The following PTAR1 variants were observed in gnomAD, a reference collection of about 807,000 sequenced individuals.
The protein encoded by PTAR1 is protein prenyltransferase alpha subunit repeat-containing protein 1.
Under a neutral mutation model 45.5 loss-of-function variants are expected in PTAR1, and 17 were observed. That is an observed-to-expected ratio of 0.37 (90% confidence interval 0.26 to 0.56). The LOEUF (loss-of-function observed/expected upper bound fraction) is 0.56. Ranked by LOEUF, PTAR1 falls within the 20% of genes least tolerant of loss-of-function variation. PTAR1 has a pLI of 0.77. For missense variants in PTAR1, 391 were observed against 476.3 expected (o/e 0.82, Z 1.67); for synonymous variants, 169 against 171.3 (o/e 0.99, Z 0.11).
chr9:69,719,813 T>G (rs554533294), intron 6 of PTAR1, among the ~76,000 whole-genome samples: 2 of 152,290 alleles, frequency 1.3e-5, no homozygotes, highest in South Asian at 4.1e-4. Context: ...TCAAACTTTT[T>G]CAAGATTATT....
In PTAR1 at chr9:69,731,754, G is replaced by A. The variant is rs987885715; in HGVS notation, c.642+385C>T. 1.4e-4 allele frequency among the ~76,000 whole-genome samples: 20 copies of A among 143,550 alleles called. 1 individual carries two copies. The highest frequency in any genetic ancestry group is 3.9e-4 in the African/African-American group (16 of 41,190). 94.2% of individuals were successfully genotyped at this position (143,550 alleles called of 152,430 possible). ...CCTCCTCTCCCCCTTTTCAGAGGAC[G>A]AGAGTGTGAAAAGACAGCCAGCTGA... On this transcript the variant is annotated intron_variant, in intron 5 of 7. Transcript: ENST00000340434.
intron 6 of PTAR1, among the ~76,000 whole-genome samples, chr9:69,722,957 A>G (rs971345574): frequency 6.6e-5 from 10 of 151,578 alleles, no homozygotes; most frequent in East Asian, 3.9e-4. Flanking sequence ...AAAAAAAAAA[A>G]AGAGAGATGG....
intron 2 of PTAR1, among the ~76,000 whole-genome samples, chr9:69,748,923 C>G (rs1270688773): frequency 2.6e-5 from 4 of 152,016 alleles, no homozygotes. Context: ...ATGCTATCCA[C>G]CCCCCTCAAA....
chr9:69,718,581 G>A lies in PTAR1; in HGVS notation c.983-13C>T. The A allele has an allele frequency of 6.2e-7, 1 of 1,613,624 alleles. No individual in the cohort carries two copies. Among genetic ancestry groups the A allele is most frequent in the South Asian group, 1.1e-5 (1 of 91,076 alleles). ...AGCTGGGAGCCTGCTGGGATAAGGTGCAAGTCACTCAAAGTCCCCCCAGGG... is the reference window on the plus strand; with the variant it reads ...AGCTGGGAGCCTGCTGGGATAAGGTACAAGTCACTCAAAGTCCCCCCAGGG... On this transcript the variant is annotated splice_polypyrimidine_tract_variant and intron_variant, in intron 7 of 7. Transcript: ENST00000340434.
In PTAR1 at chr9:69,710,343, G is replaced by T. The variant is rs994120846; in HGVS notation, c.*7999C>A. 6.6e-6 allele frequency: 1 copy of T among 151,890 alleles called. No individual in the cohort carries two copies. The highest frequency in any genetic ancestry group is 1.5e-5 in the Non-Finnish European group (1 of 67,946). The allele number at this position is 151,890 out of a possible 1,614,324, so 9.4% of individuals were successfully genotyped here. ...TGAAATGATATTTTTAATATACTGG[G>T]TTACATAAACTGTTATTAAAATTAA... On this transcript the variant is annotated 3_prime_UTR_variant, in exon 8 of 8. Transcript: ENST00000340434.
In PTAR1 at chr9:69,734,321, A is replaced by G. The variant is rs578095253; in HGVS notation, c.324-67T>C. ...CTTTATCCTTATATCCAAAGGTTCT[A>G]CATGGCTTTTAATATAATCTCATTG... On this transcript the variant is annotated intron_variant, in intron 3 of 7. Transcript: ENST00000340434. 6.5e-4 allele frequency: 467 copies of G among 714,138 alleles called. 1 individual carries two copies. In the African/African-American group the frequency reaches 7.7e-3, roughly 12 times the overall value. 44.2% of individuals were successfully genotyped at this position (714,138 alleles called of 1,614,324 possible).
At chr9:69,723,745 C>T (rs1341382659) in intron 5 of PTAR1, 115 bp from the exon 6 acceptor site, 3 of 807,230 alleles carry the variant, frequency 3.7e-6, no homozygotes, top group Non-Finnish European at 5.8e-6. Flanking sequence ...CCATTCTTAC[C>T]AATATTTTGT....
At position 69,759,885 on chromosome 9, in the gene PTAR1, G is replaced by A. The variant is rs528267763; in HGVS notation, c.54C>T (p.Asp18=). 14 of 1,531,564 alleles carry A rather than the reference G, an allele frequency of 9.1e-6. No individual in the cohort carries two copies. The East Asian group carries it at 3.5e-4, about 39-fold the overall frequency. 94.9% of individuals were successfully genotyped at this position (1,531,564 alleles called of 1,614,324 possible). The part of the protein sequence containing the change: ...VAVLVQRVVK[D]ITNAFRRNPH... ...GGTTCCTCCTGAAGGCGTTAGTGATGTCCTTCACAACCCGCTGCACCAGCA... is the reference window on the plus strand; with the variant it reads ...GGTTCCTCCTGAAGGCGTTAGTGATATCCTTCACAACCCGCTGCACCAGCA... Residue 18 remains aspartate, a synonymous_variant, in exon 1 of 8, where the codon GAC becomes GAT. Coordinates refer to ENST00000340434, the MANE Select transcript of PTAR1 (RefSeq NM_001099666.2).
intron 6 of PTAR1, among the ~76,000 whole-genome samples, chr9:69,721,399 A>G (rs2134078220): frequency 6.6e-6 from 1 of 152,124 alleles, no homozygotes; most frequent in African/African-American, 2.4e-5. Flanking sequence ...TGGATGAACC[A>G]AAAAACAAAA....
chr9:69,753,878 G>GT (rs1484931744), intron 1 of PTAR1, among the ~76,000 whole-genome samples: 1 of 152,284 alleles, frequency 6.6e-6, no homozygotes, highest in East Asian at 1.9e-4. Context: ...CACAGGAATA[G>GT]TATCTTCCCT....
intron 1 of PTAR1, chr9:69,758,636 A>C (rs1308356953): frequency 3.4e-5 from 13 of 377,084 alleles, no homozygotes; most frequent in South Asian, 2.5e-4. Flanking sequence ...GCACAGTTGC[A>C]CGTCTCCAAT....
At chr9:69,751,361 C>A (rs1826524964) in intron 1 of PTAR1, among the ~76,000 whole-genome samples, 1 of 151,322 alleles carries the variant, frequency 6.6e-6, no homozygotes, top group Non-Finnish European at 1.5e-5. Context: ...AAGGCCCATC[C>A]ACATAATCAA....
chr9:69,733,461 T>C (rs1262716510), intron 4 of PTAR1, among the ~76,000 whole-genome samples: 2 of 152,160 alleles, frequency 1.3e-5, no homozygotes, highest in Non-Finnish European at 2.9e-5. Flanking sequence ...TGGTCCTGAC[T>C]AGCAAGCCCA....
chr9:69,723,400 A>C lies in PTAR1; in HGVS notation c.873T>G (p.Leu291=), dbSNP rs1825118783. 6.2e-7 allele frequency: 1 copy of C among 1,613,786 alleles called. No homozygotes were observed. The highest frequency in any genetic ancestry group is 1.7e-5 in the Admixed American group (1 of 59,996). The change falls in exon 6 of 8, where the codon CTT becomes CTG. Residue 291 remains leucine, a synonymous_variant. Transcript: ENST00000340434. The part of the protein sequence containing the change: ...TEEPRINLPH[L]LEEEVEFSTD... ...TGCTGAATTCAACTTCTTCTTCTAG[A>C]AGATGGGGAAGATTAATCCTTGGTT...
At position 69,734,325 on chromosome 9, in the gene PTAR1, G is replaced by A; in HGVS notation, c.324-71C>T. 3 of 670,948 alleles carry A rather than the reference G, an allele frequency of 4.5e-6. 1 individual carries two copies. Among genetic ancestry groups the A allele is most frequent in the African/African-American group, 3.8e-5 (2 of 53,018 alleles). The allele number at this position is 670,948 out of a possible 1,614,324, so 41.6% of individuals were successfully genotyped here. A position where few individuals can be genotyped will look rare whatever the true frequency, so the allele number is the denominator to read the frequency against. On this transcript the variant is annotated intron_variant, in intron 3 of 7. Coordinates refer to ENST00000340434, the MANE Select transcript of PTAR1 (RefSeq NM_001099666.2). ...ATCCTTATATCCAAAGGTTCTACAT[G>A]GCTTTTAATATAATCTCATTGTGAA...
Position 69,715,661 on chromosome 9 carries a change from A to C in PTAR1, c.*2681T>G, listed in dbSNP as rs1255493754. 1 of 152,170 alleles carries C rather than the reference A, an allele frequency of 6.6e-6. No homozygotes were observed. Among genetic ancestry groups the C allele is most frequent in the African/African-American group, 2.4e-5 (1 of 41,448 alleles). The allele number at this position is 152,170 out of a possible 1,614,324, so 9.4% of individuals were successfully genotyped here. A position where few individuals can be genotyped will look rare whatever the true frequency, so the allele number is the denominator to read the frequency against. ...TAGATTGTTATAGAAAAATAAGTGA[A>C]GACTAAAAGTCCCAGAAAACAGACA... On this transcript the variant is annotated 3_prime_UTR_variant, in exon 8 of 8. Coordinates refer to ENST00000340434, the MANE Select transcript of PTAR1 (RefSeq NM_001099666.2).
chr9:69,726,192 T>C (rs905246561), intron 5 of PTAR1, among the ~76,000 whole-genome samples: 1 of 152,102 alleles, frequency 6.6e-6, no homozygotes, highest in Admixed American at 6.6e-5. Flanking sequence ...TGGCCAGAGA[T>C]CACTACTTGT....
intron 4 of PTAR1, among the ~76,000 whole-genome samples, chr9:69,733,683 T>C (rs1186183044): frequency 6.6e-6 from 1 of 152,174 alleles, no homozygotes; most frequent in African/African-American, 2.4e-5. Flanking sequence ...TCTCTGTAAG[T>C]TAATTTTAAT....
Position 69,710,630 on chromosome 9 carries a change from C to A in PTAR1, c.*7712G>T, listed in dbSNP as rs781616474. Reference sequence around the variant, plus strand: ...GCATTTTAAGGGTAAAAAGAATTCACAAAATATTGAATCCTTAACAAATGT... The same window carrying A: ...GCATTTTAAGGGTAAAAAGAATTCAAAAAATATTGAATCCTTAACAAATGT... On this transcript the variant is annotated 3_prime_UTR_variant, in exon 8 of 8. Transcript: ENST00000340434. The A allele has an allele frequency of 1.3e-5, 2 of 152,008 alleles. No homozygotes were observed. The highest frequency in any genetic ancestry group is 1.5e-5 in the Non-Finnish European group (1 of 67,968). 9.4% of individuals were successfully genotyped at this position (152,008 alleles called of 1,614,324 possible). A position where few individuals can be genotyped will look rare whatever the true frequency, so the allele number is the denominator to read the frequency against.
Sources: gnomAD v4.1 joint callset for allele counts (sites outside exome capture counted in the v4.1 genomes callset) on GRCh38, gnomAD v4.1.1 for gene constraint, MANE v1.5 for transcripts, NCBI Gene and HGNC (gene_info 2026-07-23, HGNC 2026-07-21) for gene names.